The following PLA2G3 variants were observed in gnomAD, a reference collection of about 807,000 sequenced individuals.
PLA2G3 encodes the protein phospholipase A2 group III.
In PLA2G3, 39 loss-of-function variants were observed where a neutral mutation model predicts 51.3. The observed-to-expected ratio is 0.76, with a 90% CI of 0.59 to 0.99. The LOEUF (loss-of-function observed/expected upper bound fraction) is 0.99, where lower values mean the gene tolerates loss of function less well. Among genes scored for constraint, PLA2G3 ranks in the 50% least tolerant of loss-of-function variants. The probability of loss-of-function intolerance (pLI) is 0.00; values close to 1 mark genes in which losing one functional copy is unlikely to be tolerated. For synonymous variants in PLA2G3, 293 were observed against 263.1 expected (o/e 1.11, Z -1.10); for missense variants, 677 against 662.1 (o/e 1.02, Z -0.25).
At chr22:31,138,145 C>T (rs1164353583) in intron 3 of PLA2G3, 131 bp downstream of exon 3, 7 of 1,362,198 alleles carry the variant, frequency 5.1e-6, no homozygotes, top group Non-Finnish European at 7.0e-6. Flanking sequence ...CATCCCGGGC[C>T]CTCAGGAGAG....
chr22:31,136,953 A>G lies in PLA2G3; in HGVS notation c.1154T>C (p.Leu385Pro), dbSNP rs746640313. 6.3e-6 allele frequency: 10 copies of G among 1,597,546 alleles called. No individual in the cohort carries two copies. In the South Asian group the frequency reaches 1.1e-4, roughly 18 times the overall value. The change falls in exon 5 of 7, where the codon CTC (leucine) becomes CCC (proline). Residue 385 changes from leucine (L) to proline (P), a missense_variant. By Grantham distance (98) the Leu-to-Pro change is moderately conservative. Transcript: ENST00000215885. ...GAAGAGGGGCTCTTGGGCGCTGTTG[A>G]GCAGCTGGAACTCGATTTCCCGGGG... is the stretch of plus-strand genomic sequence containing the variant. The part of the protein sequence containing the change: ...IGPREIEFQL[L>P]NSAQEPLFHC...
Position 31,138,732 on chromosome 22 carries a change from C to T in PLA2G3, c.582G>A (p.Leu194=). The stretch of plus-strand genomic sequence containing the variant: ...AGTTTCGGATGCCATAGTTGTACTG[C>T]AAGGGTGAGATGTTCTGTGGGCAGC... ...HDRCPQNISP[L]QYNYGIRNYR... Residue 194 remains leucine, a synonymous_variant, in exon 2 of 7, where the codon TTG becomes TTA. Transcript: ENST00000215885. 6.2e-7 allele frequency: 1 copy of T among 1,614,110 alleles called. No homozygotes were observed.
At position 31,140,466 on chromosome 22, in the gene PLA2G3, C is replaced by G. The variant is rs1028805467; in HGVS notation, c.-112G>C. The G allele has an allele frequency of 8.0e-7, 1 of 1,242,556 alleles. No individual in the cohort carries two copies. The highest frequency in any genetic ancestry group is 1.1e-6 in the Non-Finnish European group (1 of 905,426). The allele number at this position is 1,242,556 out of a possible 1,614,324, so 77.0% of individuals were successfully genotyped here. A position where few individuals can be genotyped will look rare whatever the true frequency, so the allele number is the denominator to read the frequency against. ...GAAGCGGAGCCCAGCAGGCCCGGTG[C>G]GGCGGGACCAATGAATGGAGCTGCG... On this transcript the variant is annotated 5_prime_UTR_variant, in exon 1 of 7. Coordinates refer to ENST00000215885, the MANE Select transcript of PLA2G3 (RefSeq NM_015715.5).
chr22:31,135,380 C>G lies in PLA2G3; in HGVS notation c.*343G>C, dbSNP rs1922500774. The G allele has an allele frequency of 3.3e-6, 1 of 303,620 alleles. No individual in the cohort carries two copies. The highest frequency in any genetic ancestry group is 2.1e-5 in the African/African-American group (1 of 47,378). The allele number at this position is 303,620 out of a possible 1,614,324, so 18.8% of individuals were successfully genotyped here. ...CAACACGGACATACATGTACCTCCTCCTGGTACTGCCTGGGGCTGCTGCAA... is the reference window on the plus strand; with the variant it reads ...CAACACGGACATACATGTACCTCCTGCTGGTACTGCCTGGGGCTGCTGCAA... On this transcript the variant is annotated 3_prime_UTR_variant, in exon 7 of 7. Coordinates refer to ENST00000215885, the MANE Select transcript of PLA2G3 (RefSeq NM_015715.5).
Position 31,138,686 on chromosome 22 carries a change from G to A in PLA2G3, c.628C>T (p.His210Tyr), listed in dbSNP as rs1285039357. 1 of 1,614,020 alleles carries A rather than the reference G, an allele frequency of 6.2e-7. No individual in the cohort carries two copies. The highest frequency in any genetic ancestry group is 2.2e-5 in the East Asian group (1 of 44,904). ...IRNYRFHTISHCDCDTRFQQC... is the reference protein window; with the variant it reads ...IRNYRFHTISYCDCDTRFQQC... The stretch of plus-strand genomic sequence containing the variant: ...ACCAACCTGGTGTCACAGTCACAGT[G>A]GGAGATGGTGTGGAATCGGTAGTTT... Residue 210 changes from histidine to tyrosine, a missense_variant, in exon 2 of 7, where the codon CAC becomes TAC. His to Tyr is a moderately conservative substitution (Grantham distance 83). Coordinates refer to ENST00000215885, the MANE Select transcript of PLA2G3 (RefSeq NM_015715.5).
chr22:31,138,028 G>A (rs540902061), intron 3 of PLA2G3, 35 bp from the exon 4 acceptor site: 1 of 1,522,368 alleles, frequency 6.6e-7, no homozygotes, highest in South Asian at 1.3e-5. Flanking sequence ...TTGGTGACTG[G>A]GAATCCCCCT....
Position 31,140,472 on chromosome 22 carries a change from G to A in PLA2G3, c.-118C>T, listed in dbSNP as rs1922841849. On this transcript the variant is annotated 5_prime_UTR_variant, in exon 1 of 7. Coordinates refer to ENST00000215885, the MANE Select transcript of PLA2G3 (RefSeq NM_015715.5). ...GAGCCCAGCAGGCCCGGTGCGGCGG[G>A]ACCAATGAATGGAGCTGCGGGAGGA... 2.5e-6 allele frequency: 3 copies of A among 1,183,096 alleles called. No homozygotes were observed. The Admixed American group carries it at 7.3e-5, about 29-fold the overall frequency. The allele number at this position is 1,183,096 out of a possible 1,614,324, so 73.3% of individuals were successfully genotyped here.
chr22:31,136,926 T>A lies in PLA2G3; in HGVS notation c.1181A>T (p.His394Leu). 1 of 1,608,122 alleles carries A rather than the reference T, an allele frequency of 6.2e-7. No homozygotes were observed. The highest frequency in any genetic ancestry group is 1.1e-5 in the South Asian group (1 of 90,594). ...LLNSAQEPLF[H>L]CNCTRRLARF... ...GCCTCACCGGCGCGTGCAGTTGCAG[T>A]GGAAGAGGGGCTCTTGGGCGCTGTT... The change falls in exon 5 of 7, where the codon CAC becomes CTC. Residue 394 changes from histidine (H) to leucine (L), a missense_variant. Coordinates refer to ENST00000215885, the MANE Select transcript of PLA2G3 (RefSeq NM_015715.5).
At position 31,136,983 on chromosome 22, in the gene PLA2G3, A is replaced by G. The variant is rs1485788249; in HGVS notation, c.1124T>C (p.Ile375Thr). The stretch of plus-strand genomic sequence containing the variant: ...CTGGAACTCGATTTCCCGGGGCCCA[A>G]TCTGGTGCTCACACTGGTCCAGGTG... ...RRHLDQCEHQ[I>T]GPREIEFQLL... The change falls in exon 5 of 7, where the codon ATT becomes ACT. Residue 375 changes from isoleucine to threonine, a missense_variant. Physicochemically the swap from Ile to Thr is moderately conservative, Grantham distance 89 (BLOSUM62 -1). Transcript: ENST00000215885. The G allele has an allele frequency of 5.7e-6, 9 of 1,571,232 alleles. No homozygotes were observed. Among genetic ancestry groups the G allele is most frequent in the African/African-American group, 4.1e-5 (3 of 73,578 alleles).
Position 31,140,316 on chromosome 22 carries a change from G to A in PLA2G3, c.39C>T (p.Phe13=). The change falls in exon 1 of 7, where the codon TTC becomes TTT. Residue 13 remains phenylalanine (F), a synonymous_variant. Coordinates refer to ENST00000215885, the MANE Select transcript of PLA2G3 (RefSeq NM_015715.5). ...VQAGLFGMLG[F]LGVALGGSPA... is the part of the protein sequence containing the mutation. ...GGGAGCCCCCCAGGGCCACCCCCAG[G>A]AAGCCCAGCATCCCAAACAGCCCTG... 6.2e-7 allele frequency: 1 copy of A among 1,609,076 alleles called. No individual in the cohort carries two copies. The highest frequency in any genetic ancestry group is 8.5e-7 in the Non-Finnish European group (1 of 1,179,236).
intron 2 of PLA2G3, 98 bp from the exon 3 acceptor site, chr22:31,138,508 C>A: frequency 1.3e-6 from 2 of 1,527,392 alleles, no homozygotes; most frequent in East Asian, 2.3e-5. Flanking sequence ...GTTTGGGGTC[C>A]AAGCATCCCT....
rs372725366 is a variant in PLA2G3 at position 31,137,793 on chromosome 22, G to C, written c.983C>G (p.Ala328Gly). 6.2e-7 allele frequency: 1 copy of C among 1,614,006 alleles called. No homozygotes were observed. Among genetic ancestry groups the C allele is most frequent in the East Asian group, 2.2e-5 (1 of 44,882 alleles). ...GGGAGAGACCATAGGGTCCTGGAGG[G>C]CTGTGGTGTTGGCTTTGCTGGGGCG... ...SKRPSKANTT[A>G]LQDPMVSPRL... Residue 328 changes from alanine (A) to glycine (G), a missense_variant, in exon 4 of 7, where the codon GCC becomes GGC. Transcript: ENST00000215885.
At chr22:31,135,997 C>T in intron 6 of PLA2G3, 61 bp from the exon 7 acceptor site, 4 of 1,399,710 alleles carry the variant, frequency 2.9e-6, no homozygotes, top group South Asian at 1.2e-5. Flanking sequence ...CCTTACTCTG[C>T]AGACAGTGGG....
rs751681590 is a variant in PLA2G3 at position 31,136,783 on chromosome 22, T to G, written c.1216A>C (p.Arg406=). The change falls in exon 6 of 7, where the codon AGG becomes CGG. Residue 406 remains arginine, a synonymous_variant. Coordinates refer to ENST00000215885, the MANE Select transcript of PLA2G3 (RefSeq NM_015715.5). ...GTAACCTCGGGTGGGCTGTGGAGCC[T>G]CAGGAAGCGTGCCAGACTGAGAACA... ...NCTRRLARFL[R]LHSPPEVTNM... is the part of the protein sequence containing the mutation. 3.1e-6 allele frequency: 5 copies of G among 1,611,738 alleles called. No individual in the cohort carries two copies. In the East Asian group the frequency reaches 1.1e-4, roughly 36 times the overall value.
chr22:31,140,178 A>G lies in PLA2G3; in HGVS notation c.177T>C (p.His59=), dbSNP rs1230606210. The G allele has an allele frequency of 6.2e-7, 1 of 1,612,594 alleles. No individual in the cohort carries two copies. Among genetic ancestry groups the G allele is most frequent in the Non-Finnish European group, 8.5e-7 (1 of 1,179,916 alleles). ...AKDAQGLALI[H]ARWDAHRRLQ... Reference sequence around the variant, plus strand: ...GCCTCCTATGCGCATCCCAGCGGGCATGGATCAGGGCCAGTCCCTGAGCAT... The same window carrying G: ...GCCTCCTATGCGCATCCCAGCGGGCGTGGATCAGGGCCAGTCCCTGAGCAT... The change falls in exon 1 of 7, where the codon CAT becomes CAC. Residue 59 remains histidine (H), a synonymous_variant. Transcript: ENST00000215885.
At position 31,140,230 on chromosome 22, in the gene PLA2G3, AGTGG is replaced by A. The variant is rs1922820711; in HGVS notation, c.121_124del (p.Pro41TrpfsTer4). On this transcript the variant is annotated frameshift_variant, in exon 1 of 7. Coordinates refer to ENST00000215885, the MANE Select transcript of PLA2G3 (RefSeq NM_015715.5). LOFTEE classifies it high-confidence loss of function. ...CTTGGCCAGGAAGCTCAGGTACCCC[AGTGG>A]GTTGCCAGGGACGGCCTTGGTCAAG... The A allele has an allele frequency of 4.3e-6, 7 of 1,612,656 alleles. No homozygotes were observed. The highest frequency in any genetic ancestry group is 5.9e-6 in the Non-Finnish European group (7 of 1,179,998).
chr22:31,138,183 G>A (rs1270699461), intron 3 of PLA2G3, 93 bp downstream of exon 3: 1 of 1,486,456 alleles, frequency 6.7e-7, no homozygotes, highest in East Asian at 2.4e-5. Context: ...ATCATTCCCT[G>A]GAAGACAGAC....
chr22:31,136,614 T>A (rs1922576033), intron 6 of PLA2G3, 69 bp downstream of exon 6: 1 of 1,265,026 alleles, frequency 7.9e-7, no homozygotes. Flanking sequence ...GCCCAAGCAT[T>A]CAAAGTGGGT....
chr22:31,136,604 G>T, intron 6 of PLA2G3, 79 bp downstream of exon 6: 1 of 1,109,192 alleles, frequency 9.0e-7, no homozygotes, highest in Non-Finnish European at 1.4e-6. Flanking sequence ...CTACCCCTTG[G>T]CCCAAGCATT....
Sources: allele counts gnomAD v4.1 joint callset, GRCh38; gene constraint gnomAD v4.1.1; transcripts MANE v1.5; gene names NCBI Gene and HGNC (gene_info 2026-07-23, HGNC 2026-07-21).